The following OR2AT4 variants were observed in gnomAD, a reference collection of about 807,000 sequenced individuals.
OR2AT4 encodes olfactory receptor family 2 subfamily AT member 4.
Under a neutral mutation model 10.3 loss-of-function variants are expected in OR2AT4, and 6 were observed. The ratio of observed to expected loss-of-function variants is 0.58; its 90% CI spans 0.32 to 1.15. OR2AT4 has a LOEUF of 1.15. Among genes scored for constraint, OR2AT4 ranks in the 50% most tolerant of loss-of-function variants. The pLI, the probability that OR2AT4 is intolerant of heterozygous loss-of-function variation, is 0.05. For synonymous variants in OR2AT4, 145 were observed against 159.1 expected (o/e 0.91, Z 0.67); for missense variants, 354 against 393.8 (o/e 0.90, Z 0.85).
At chr11:75,087,144 G>A (rs1949295119) in exon 2 of OR2AT4, 1 of 152,076 alleles carries the variant, frequency 6.6e-6, no homozygotes, top group African/African-American at 2.4e-5. Context: ...AGACATTACT[G>A]GAAAAACTGG....
At chr11:75,083,355 A>C (rs1949274658) in exon 2 of OR2AT4, 1 of 152,228 alleles carries the variant, frequency 6.6e-6, no homozygotes. Flanking sequence ...ATATTATCTC[A>C]TACCAGTCAG....
At chr11:75,083,970 C>CA (rs35578037) in exon 2 of OR2AT4, 7,491 of 96,948 alleles carry the variant, frequency 0.077, 673 homozygotes, top group African/African-American at 0.27. Flanking sequence ...AACTCCGTCT[C>CA]AAAAAAAAAA....
exon 2 of OR2AT4, chr11:75,084,324 G>T (rs1159555079): frequency 6.6e-6 from 1 of 152,170 alleles, no homozygotes. Flanking sequence ...TCACAAACCT[G>T]CATGTGTACC....
exon 2 of OR2AT4, chr11:75,081,944 A>C (rs1435358554): frequency 2.0e-5 from 3 of 152,198 alleles, no homozygotes; most frequent in Non-Finnish European, 4.4e-5. Flanking sequence ...TAAAATGACC[A>C]TACTGCCCAC....
At chr11:75,093,414 C>G (rs1454986873) in intron 1 of OR2AT4, among the ~76,000 whole-genome samples, 2 of 152,256 alleles carry the variant, frequency 1.3e-5, no homozygotes, top group Admixed American at 1.3e-4. Flanking sequence ...TGCTAGAGAA[C>G]AAGTCGTCTT....
At chr11:75,086,117 T>A (rs565119244) in exon 2 of OR2AT4, 55 of 152,264 alleles carry the variant, frequency 3.6e-4, no homozygotes, top group African/African-American at 1.3e-3. Context: ...GGTGCTGGAA[T>A]GATTGTATGT....
At chr11:75,091,875 T>C (rs952429258) in intron 1 of OR2AT4, among the ~76,000 whole-genome samples, 1 of 152,192 alleles carries the variant, frequency 6.6e-6, no homozygotes, top group African/African-American at 2.4e-5. Context: ...TAAGATCTGC[T>C]CATTATCTTC....
intron 1 of OR2AT4, among the ~76,000 whole-genome samples, chr11:75,093,373 C>T (rs1949329581): frequency 6.6e-6 from 1 of 152,244 alleles, no homozygotes; most frequent in South Asian, 2.1e-4. Context: ...CTACAGGAGT[C>T]TGAAAACTTG....
exon 2 of OR2AT4, chr11:75,085,637 T>C (rs1379277549): frequency 3.9e-5 from 6 of 151,946 alleles, no homozygotes. Context: ...TAGTAATATA[T>C]AAAGGGCAAA....
chr11:75,084,711 T>G (rs1483646335), exon 2 of OR2AT4: 1 of 152,164 alleles, frequency 6.6e-6, no homozygotes, highest in Non-Finnish European at 1.5e-5. Flanking sequence ...GGAATTAAAC[T>G]AGACAGGAGT....
exon 2 of OR2AT4, chr11:75,085,119 A>G (rs1949283833): frequency 6.6e-6 from 1 of 152,056 alleles, no homozygotes; most frequent in African/African-American, 2.4e-5. Flanking sequence ...TAAATTGGTA[A>G]ACCTATAGCT....
chr11:75,092,774 C>T (rs1179511248), intron 1 of OR2AT4, among the ~76,000 whole-genome samples: 1 of 148,924 alleles, frequency 6.7e-6, no homozygotes, highest in African/African-American at 2.5e-5. Flanking sequence ...CCTGTCTCTA[C>T]AAAAAAATTT....
intron 1 of OR2AT4, among the ~76,000 whole-genome samples, chr11:75,091,254 G>T (rs574383113): frequency 1.3e-5 from 2 of 152,080 alleles, no homozygotes; most frequent in East Asian, 1.9e-4. Context: ...AATAATATTC[G>T]GTGCACAACA....
exon 2 of OR2AT4, chr11:75,088,930 T>C (rs1329232234): frequency 3.1e-6 from 5 of 1,614,056 alleles, no homozygotes; most frequent in Non-Finnish European, 2.5e-6. Context: ...ACGTAGGCTA[T>C]GGCAATAGAT....
intron 1 of OR2AT4, among the ~76,000 whole-genome samples, 162 bp downstream of exon 1, chr11:75,096,666 T>C (rs1261797041): frequency 1.3e-5 from 2 of 152,174 alleles, no homozygotes; most frequent in Admixed American, 6.5e-5. Flanking sequence ...GTGTCTGGTC[T>C]ACACTCACCC....
At chr11:75,092,425 C>G (rs1386832298) in intron 1 of OR2AT4, among the ~76,000 whole-genome samples, 2 of 151,948 alleles carry the variant, frequency 1.3e-5, no homozygotes, top group African/African-American at 4.8e-5. Flanking sequence ...TGCAATAAAG[C>G]CCAAAAATAT....
chr11:75,093,753 C>G (rs935525358), intron 1 of OR2AT4, among the ~76,000 whole-genome samples: 3 of 151,352 alleles, frequency 2.0e-5, no homozygotes, highest in Non-Finnish European at 4.4e-5. Context: ...AATTCCAAAC[C>G]TGGAAATATC....
At chr11:75,090,456 C>T (rs1007480443) in intron 1 of OR2AT4, 92 bp from the exon 2 acceptor site, 6 of 152,150 alleles carry the variant, frequency 3.9e-5, no homozygotes, top group African/African-American at 1.2e-4. Context: ...CATTTTTAAA[C>T]AAATTGAGGA....
At chr11:75,086,484 T>C (rs886830574) in exon 2 of OR2AT4, 2 of 152,170 alleles carry the variant, frequency 1.3e-5, no homozygotes, top group Non-Finnish European at 2.9e-5. Flanking sequence ...TGAAATTCAA[T>C]GGTATGAAAA....
Sources: gnomAD v4.1 joint callset for allele counts (sites outside exome capture counted in the v4.1 genomes callset) on GRCh38, gnomAD v4.1.1 for gene constraint, MANE v1.5 for transcripts, NCBI Gene and HGNC (gene_info 2026-07-23, HGNC 2026-07-21) for gene names.